Variants in DLGAP4 observed in about 807,000 individuals in gnomAD.
The protein encoded by DLGAP4 is disks large-associated protein 4.
DLGAP4 carries 18 observed loss-of-function variants against 86.9 expected under a neutral mutation model. That is an observed-to-expected ratio of 0.21 (90% CI 0.14 to 0.31). The LOEUF is 0.31. Ranked by LOEUF, DLGAP4 falls within the 10% of genes least tolerant of loss-of-function variation. DLGAP4 has a pLI of 1.00. For missense variants in DLGAP4, 1,085 were observed against 1,362.6 expected (o/e 0.80, Z 3.21); for synonymous variants, 548 against 574.3 (o/e 0.95, Z 0.65).
intron 7 of DLGAP4, among the ~76,000 whole-genome samples, chr20:36,469,921 A>G (rs534852751): frequency 1.3e-5 from 2 of 152,180 alleles, no homozygotes; most frequent in African/African-American, 4.8e-5. Flanking sequence ...GCAGCCTCCA[A>G]ATATTTGATT....
intron 2 of DLGAP4, among the ~76,000 whole-genome samples, chr20:36,405,066 C>CT (rs1233324105): frequency 6.6e-6 from 1 of 152,186 alleles, no homozygotes; most frequent in African/African-American, 2.4e-5. Flanking sequence ...GGAGTGTGTC[C>CT]TGGGAAGAGC....
intron 1 of DLGAP4, among the ~76,000 whole-genome samples, chr20:36,319,700 C>T (rs978461959): frequency 1.3e-5 from 2 of 152,168 alleles, no homozygotes; most frequent in African/African-American, 2.4e-5. Context: ...CCTCGTGACT[C>T]ACAGTCCAGT....
At chr20:36,476,564 G>A (rs372550630) in intron 7 of DLGAP4, among the ~76,000 whole-genome samples, 5 of 151,268 alleles carry the variant, frequency 3.3e-5, no homozygotes, top group East Asian at 3.9e-4. Flanking sequence ...TCAGACCTCC[G>A]GTGATCCACC....
intron 12 of DLGAP4, among the ~76,000 whole-genome samples, chr20:36,526,447 C>T (rs564078067): frequency 5.3e-5 from 8 of 152,122 alleles, no homozygotes; most frequent in East Asian, 3.9e-4. Context: ...CCTGTCTAAT[C>T]CCCTAGAATA....
At chr20:36,381,563 G>A (rs1447895005) in intron 2 of DLGAP4, among the ~76,000 whole-genome samples, 7 of 152,154 alleles carry the variant, frequency 4.6e-5, no homozygotes, top group African/African-American at 1.7e-4. Flanking sequence ...CATTGAGATG[G>A]GTGCTGGGGA....
At chr20:36,328,443 G>A (rs189148209) in intron 1 of DLGAP4, among the ~76,000 whole-genome samples, 174 of 150,710 alleles carry the variant, frequency 1.2e-3, no homozygotes, top group African/African-American at 4.1e-3. Context: ...AAACAGCAAT[G>A]GTTCATCTTA....
At chr20:36,344,061 G>C (rs782482892) in intron 1 of DLGAP4, among the ~76,000 whole-genome samples, 1 of 152,222 alleles carries the variant, frequency 6.6e-6, no homozygotes, top group African/African-American at 2.4e-5. Flanking sequence ...TCTGTGCCGG[G>C]AGGTGGAACT....
chr20:36,362,546 G>A (rs958298525), intron 1 of DLGAP4, among the ~76,000 whole-genome samples: 3 of 152,136 alleles, frequency 2.0e-5, no homozygotes, highest in South Asian at 2.1e-4. Context: ...TCACATCTGC[G>A]ACAAGGAAGG....
intron 2 of DLGAP4, among the ~76,000 whole-genome samples, chr20:36,374,831 C>T (rs2031088724): frequency 6.6e-6 from 1 of 152,260 alleles, no homozygotes; most frequent in Admixed American, 6.5e-5. Flanking sequence ...ACCAAGTCCA[C>T]AATCCCGGCA....
intron 2 of DLGAP4, among the ~76,000 whole-genome samples, chr20:36,392,910 C>T (rs1483655806): frequency 6.6e-6 from 1 of 151,910 alleles, no homozygotes; most frequent in East Asian, 1.9e-4. Context: ...GGAGGTGACA[C>T]TTGGGCTGAG....
At chr20:36,514,189 A>G (rs562330799) in intron 10 of DLGAP4, among the ~76,000 whole-genome samples, 1 of 152,282 alleles carries the variant, frequency 6.6e-6, no homozygotes, top group Admixed American at 6.5e-5. Flanking sequence ...AGGCAGCTGA[A>G]GGGCTCACCA....
rs148911930 is a variant in DLGAP4, at chr20:36,480,016, C to G, written c.1649-16689C>G. On this transcript the variant is annotated intron_variant, in intron 7 of 12. Coordinates refer to ENST00000339266, the MANE Select transcript of DLGAP4 (RefSeq NM_001365621.2). ...CCTCACCTGCCAAGCCCTTTCCCAC[C>G]TGTCTTGGGAAACTCACAGCAGTCC... is the stretch of plus-strand genomic sequence containing the variant. Among the ~76,000 whole-genome samples, 873 of 152,254 alleles carry G rather than the reference C, an allele frequency of 5.7e-3. 7 individuals are homozygous for G. The highest frequency in any genetic ancestry group is 0.02 in the African/African-American group (821 of 41,552).
intron 8 of DLGAP4, chr20:36,497,728 TC>T: frequency 1.3e-6 from 1 of 746,584 alleles, no homozygotes; most frequent in Non-Finnish European, 1.6e-6. Context: ...CAGCAGGCCC[TC>T]CATAGTCATG....
At chr20:36,450,310 C>A (rs989975754) in intron 7 of DLGAP4, among the ~76,000 whole-genome samples, 2 of 152,064 alleles carry the variant, frequency 1.3e-5, no homozygotes, top group South Asian at 4.2e-4. Context: ...CCAGCCTGGC[C>A]AACATGGCGA....
At chr20:36,472,801 A>C (rs2034729429) in intron 7 of DLGAP4, among the ~76,000 whole-genome samples, 1 of 152,180 alleles carries the variant, frequency 6.6e-6, no homozygotes. Flanking sequence ...CTGAGGGGAC[A>C]CTCTGAGGGA....
At chr20:36,387,597 A>G (rs532483732) in intron 2 of DLGAP4, among the ~76,000 whole-genome samples, 48 of 152,176 alleles carry the variant, frequency 3.2e-4, no homozygotes, top group African/African-American at 1.2e-3. Context: ...ATAATTCTAG[A>G]TCTCTTCTAA....
At chr20:36,510,006 G>A (rs988550439) in intron 10 of DLGAP4, among the ~76,000 whole-genome samples, 7 of 151,828 alleles carry the variant, frequency 4.6e-5, no homozygotes, top group South Asian at 2.1e-4. Context: ...ACAGGCATGC[G>A]CCACCACGCC....
intron 7 of DLGAP4, among the ~76,000 whole-genome samples, chr20:36,469,020 C>T (rs2034539903): frequency 6.6e-6 from 1 of 152,242 alleles, no homozygotes; most frequent in Non-Finnish European, 1.5e-5. Context: ...CTTTCATACA[C>T]ATTATCTCAG....
chr20:36,462,519 T>A, intron 7 of DLGAP4: 1 of 1,598,156 alleles, frequency 6.3e-7, no homozygotes, highest in African/African-American at 1.4e-5. Context: ...TCCCTCTCCC[T>A]TTTTCTGTCT....
Sources: gnomAD v4.1 joint callset for allele counts (sites outside exome capture counted in the v4.1 genomes callset) on GRCh38, gnomAD v4.1.1 for gene constraint, MANE v1.5 for transcripts, NCBI Gene and HGNC (gene_info 2026-07-23, HGNC 2026-07-21) for gene names.